SPOCK3: variants seen among roughly 807,000 people sequenced by gnomAD.
SPOCK3 encodes the protein SPARC (osteonectin), cwcv and kazal like domains proteoglycan 3.
A neutral mutation model predicts 56.6 loss-of-function variants in SPOCK3; 30 were observed. The ratio of observed to expected loss-of-function variants is 0.53; its 90% CI spans 0.40 to 0.72. The LOEUF is 0.72. Ranked by LOEUF, SPOCK3 falls within the 30% of genes least tolerant of loss-of-function variation. The pLI, the probability that SPOCK3 is intolerant of heterozygous loss-of-function variation, is 0.00. For missense variants in SPOCK3, 527 were observed against 530.0 expected (o/e 0.99, Z 0.06); for synonymous variants, 196 against 183.3 (o/e 1.07, Z -0.56).
chr4:167,196,574 C>T (rs1732975436), intron 2 of SPOCK3, among the ~76,000 whole-genome samples: 1 of 151,858 alleles, frequency 6.6e-6, no homozygotes, highest in African/African-American at 2.4e-5. Context: ...AAGTTTACAT[C>T]ATCTGTTTAC....
Position 166,912,763 on chromosome 4 carries a change from A to T in SPOCK3, c.351-20T>A. 1 of 1,571,454 alleles carries T rather than the reference A, an allele frequency of 6.4e-7. No homozygotes were observed. The highest frequency in any genetic ancestry group is 8.6e-7 in the Non-Finnish European group (1 of 1,164,128). The stretch of plus-strand genomic sequence containing the variant: ...TTCATCCTGTTAAAAAAATAAAGCA[A>T]GCATATTGAGCATATTTATTTTAAA... On this transcript the variant is annotated intron_variant, in intron 4 of 10. Transcript: ENST00000357545.
intron 6 of SPOCK3, among the ~76,000 whole-genome samples, chr4:166,826,309 T>C (rs1745474199): frequency 6.6e-6 from 1 of 152,132 alleles, no homozygotes; most frequent in African/African-American, 2.4e-5. Flanking sequence ...TTAAGTGTTT[T>C]ACAATTTGGC....
chr4:166,741,488 T>TATATC (rs1272182471), intron 9 of SPOCK3, among the ~76,000 whole-genome samples: 1 of 152,176 alleles, frequency 6.6e-6, no homozygotes, highest in Admixed American at 6.5e-5. Context: ...TTCAAATATT[T>TATATC]CAAGGCTTTG....
intron 5 of SPOCK3, among the ~76,000 whole-genome samples, chr4:166,911,872 C>T (rs1278672842): frequency 6.6e-6 from 1 of 152,038 alleles, no homozygotes; most frequent in Non-Finnish European, 1.5e-5. Context: ...CTTCTAGGGA[C>T]ACTGCATAAT....
At chr4:166,808,963 A>G (rs1258049712) in intron 6 of SPOCK3, among the ~76,000 whole-genome samples, 1 of 152,046 alleles carries the variant, frequency 6.6e-6, no homozygotes, top group Non-Finnish European at 1.5e-5. Flanking sequence ...ATGATCTTTT[A>G]AACAAAGATC....
chr4:166,863,378 C>T (rs1375965013), intron 6 of SPOCK3, among the ~76,000 whole-genome samples: 1 of 152,024 alleles, frequency 6.6e-6, no homozygotes, highest in Non-Finnish European at 1.5e-5. Flanking sequence ...ATTGCATCAA[C>T]GAATGTGCAA....
intron 4 of SPOCK3, among the ~76,000 whole-genome samples, chr4:166,989,408 C>T (rs1747530956): frequency 6.6e-6 from 1 of 151,942 alleles, no homozygotes; most frequent in South Asian, 2.1e-4. Flanking sequence ...TTATATAAGC[C>T]TTAATAACAG....
chr4:167,225,149 A>G (rs1281263190), intron 2 of SPOCK3, among the ~76,000 whole-genome samples: 3 of 152,166 alleles, frequency 2.0e-5, no homozygotes, highest in Non-Finnish European at 4.4e-5. Flanking sequence ...TACCTCACAC[A>G]GATTAAGATT....
At chr4:166,978,757 T>C (rs534069748) in intron 4 of SPOCK3, among the ~76,000 whole-genome samples, 1 of 152,248 alleles carries the variant, frequency 6.6e-6, no homozygotes, top group Non-Finnish European at 1.5e-5. Context: ...AAGTAACTTA[T>C]TGAGTATAAA....
At chr4:167,172,704 G>C (rs1410607857) in intron 2 of SPOCK3, among the ~76,000 whole-genome samples, 1 of 151,950 alleles carries the variant, frequency 6.6e-6, no homozygotes, top group African/African-American at 2.4e-5. Flanking sequence ...ATTTTTCATA[G>C]AGAATATCTA....
At chr4:167,059,717 G>A (rs1755364287) in intron 3 of SPOCK3, among the ~76,000 whole-genome samples, 1 of 152,104 alleles carries the variant, frequency 6.6e-6, no homozygotes. Context: ...GTTTATTGCG[G>A]CACTATTCAC....
At chr4:166,768,375 C>T (rs1428014768) in intron 7 of SPOCK3, among the ~76,000 whole-genome samples, 2 of 152,158 alleles carry the variant, frequency 1.3e-5, no homozygotes, top group East Asian at 3.9e-4. Context: ...TCTTGTAGGG[C>T]AGGCCTGGTG....
intron 6 of SPOCK3, among the ~76,000 whole-genome samples, chr4:166,852,163 G>A (rs145975165): frequency 0.022 from 3,364 of 152,044 alleles, 142 homozygotes; most frequent in African/African-American, 0.076. Flanking sequence ...GTGGGGAGGG[G>A]GGAGCGATAG....
intron 2 of SPOCK3, among the ~76,000 whole-genome samples, chr4:167,171,887 AAAGAAG>A (rs904113980): frequency 1.3e-5 from 2 of 152,106 alleles, no homozygotes; most frequent in African/African-American, 4.8e-5. Context: ...AAGAAAAGAA[AAAGAAG>A]AAGATTACCA....
chr4:167,010,820 T>C (rs553111787), intron 3 of SPOCK3, among the ~76,000 whole-genome samples: 14 of 151,786 alleles, frequency 9.2e-5, no homozygotes, highest in Admixed American at 7.9e-4. Flanking sequence ...TAATTTCCAG[T>C]GGGGGGGAGA....
intron 6 of SPOCK3, among the ~76,000 whole-genome samples, chr4:166,879,536 A>G (rs958610575): frequency 1.3e-5 from 2 of 152,186 alleles, no homozygotes; most frequent in Admixed American, 1.3e-4. Context: ...AAAAATATGT[A>G]CATATTTTGA....
At chr4:166,883,919 T>C (rs1262404900) in intron 6 of SPOCK3, among the ~76,000 whole-genome samples, 1 of 152,192 alleles carries the variant, frequency 6.6e-6, no homozygotes, top group East Asian at 1.9e-4. Context: ...TGTGTCCACA[T>C]GGTAGTTCAC....
chr4:166,814,623 T>G lies in SPOCK3; in HGVS notation c.590-22334A>C, dbSNP rs574958108. Among the ~76,000 whole-genome samples, 423 of 152,230 alleles carry G rather than the reference T, an allele frequency of 2.8e-3. 3 individuals are homozygous for G. Among genetic ancestry groups the G allele is most frequent in the Non-Finnish European group, 4.9e-3 (333 of 67,992 alleles). On this transcript the variant is annotated intron_variant, in intron 6 of 10. Coordinates refer to ENST00000357545, the MANE Select transcript of SPOCK3 (RefSeq NM_001040159.2). The stretch of plus-strand genomic sequence containing the variant: ...TTCTTTGACCTTTGGAATCTTGGAC[T>G]TACACCAGTGGTTTGTTGGGGGCTC...
intron 4 of SPOCK3, among the ~76,000 whole-genome samples, chr4:166,942,486 A>C (rs80136291): frequency 7.0e-6 from 1 of 142,520 alleles, no homozygotes; most frequent in African/African-American, 3.0e-5. Context: ...AAAAAAAAAA[A>C]CAAAAGTTAA....
Sources: gnomAD v4.1 joint callset for allele counts (sites outside exome capture counted in the v4.1 genomes callset) on GRCh38, gnomAD v4.1.1 for gene constraint, MANE v1.5 for transcripts, NCBI Gene and HGNC (gene_info 2026-07-23, HGNC 2026-07-21) for gene names.